Variants in JMJD1C observed in about 807,000 individuals in gnomAD.
JMJD1C encodes jumonji domain containing 1C.
A neutral mutation model predicts 245.3 loss-of-function variants in JMJD1C; 31 were observed. The ratio of observed to expected loss-of-function variants is 0.13; its 90% CI spans 0.09 to 0.17. The LOEUF (loss-of-function observed/expected upper bound fraction) is 0.17, where lower values mean the gene tolerates loss of function less well. JMJD1C is among the 10% of genes least tolerant of loss of function. JMJD1C has a pLI of 1.00. For missense variants in JMJD1C, 2,691 were observed against 3,000.2 expected (o/e 0.90, Z 2.41); for synonymous variants, 1,057 against 1,017.4 (o/e 1.04, Z -0.74).
intron 3 of JMJD1C, among the ~76,000 whole-genome samples, chr10:63,227,704 G>C (rs895193573): frequency 2.0e-5 from 3 of 152,124 alleles, no homozygotes; most frequent in Non-Finnish European, 4.4e-5. Context: ...AACCATCTTT[G>C]ATAGTATAAG....
intron 2 of JMJD1C, among the ~76,000 whole-genome samples, chr10:63,373,824 C>A (rs1946506170): frequency 6.6e-6 from 1 of 152,050 alleles, no homozygotes; most frequent in Non-Finnish European, 1.5e-5. Flanking sequence ...TATAGACATC[C>A]TTAAAGAAGC....
intron 2 of JMJD1C, among the ~76,000 whole-genome samples, chr10:63,295,964 T>TAC (rs1859346945): frequency 3.4e-4 from 3 of 8,942 alleles, no homozygotes; most frequent in Non-Finnish European, 2.6e-4. Context: ...CGTATATGTG[T>TAC]GTGTGTGTGT....
In JMJD1C at chr10:63,220,052, C is replaced by A. The variant is rs1160758891; in HGVS notation, c.448-69G>T. Reference sequence around the variant, plus strand: ...ACCATTAATGTTACCGACTTTCCCTCCTATACGTTCTAAGGACTGAATAAA... The same window carrying A: ...ACCATTAATGTTACCGACTTTCCCTACTATACGTTCTAAGGACTGAATAAA... On this transcript the variant is annotated intron_variant, in intron 3 of 25. Transcript: ENST00000399262. 6 of 1,137,124 alleles carry A rather than the reference C, an allele frequency of 5.3e-6. No individual in the cohort carries two copies. In the African/African-American group the frequency reaches 6.1e-5, roughly 12 times the overall value. 70.4% of individuals were successfully genotyped at this position (1,137,124 alleles called of 1,614,324 possible).
At chr10:63,238,239 A>G (rs1000826115) in intron 3 of JMJD1C, among the ~76,000 whole-genome samples, 7 of 151,592 alleles carry the variant, frequency 4.6e-5, no homozygotes, top group African/African-American at 1.7e-4. Context: ...AATGTATCAT[A>G]ATAGAAAAGC....
chr10:63,357,074 G>A (rs939850998), intron 2 of JMJD1C, among the ~76,000 whole-genome samples: 1 of 150,334 alleles, frequency 6.7e-6, no homozygotes, highest in Admixed American at 6.6e-5. Context: ...TCACTCTGTC[G>A]CCAGGCTGGA....
In JMJD1C at chr10:63,465,842, C is replaced by G; in HGVS notation, c.-180G>C. ...GGACACAGCGACCTCGGGCCCTCCC[C>G]GCAAACACTCCTTTGGACTCCCAGA... is the stretch of plus-strand genomic sequence containing the variant. On this transcript the variant is annotated 5_prime_UTR_variant, in exon 1 of 26. Coordinates refer to ENST00000399262, the MANE Select transcript of JMJD1C (RefSeq NM_032776.3). The G allele has an allele frequency of 2.8e-6, 2 of 724,966 alleles. No individual in the cohort carries two copies. The highest frequency in any genetic ancestry group is 3.0e-5 in the South Asian group (2 of 66,968). 44.9% of individuals were successfully genotyped at this position (724,966 alleles called of 1,614,324 possible).
intron 2 of JMJD1C, among the ~76,000 whole-genome samples, chr10:63,275,457 G>C (rs913845321): frequency 6.6e-6 from 1 of 152,118 alleles, no homozygotes; most frequent in Non-Finnish European, 1.5e-5. Context: ...TTTCACAAAG[G>C]AGAAATAAGC....
intron 2 of JMJD1C, among the ~76,000 whole-genome samples, chr10:63,267,473 G>A (rs573866590): frequency 9.9e-5 from 15 of 152,222 alleles, no homozygotes; most frequent in African/African-American, 3.4e-4. Flanking sequence ...GTAGTAAATA[G>A]TTCATGGGTC....
chr10:63,330,629 T>C (rs1942041768), intron 2 of JMJD1C, among the ~76,000 whole-genome samples: 1 of 152,018 alleles, frequency 6.6e-6, no homozygotes, highest in Non-Finnish European at 1.5e-5. Context: ...TATTATCATT[T>C]TTTCTTTCTC....
chr10:63,446,672 TGAAGGAA>T (rs1458426593), intron 1 of JMJD1C, among the ~76,000 whole-genome samples: 2 of 152,050 alleles, frequency 1.3e-5, no homozygotes, highest in Non-Finnish European at 1.5e-5. Flanking sequence ...ACAAAGTACT[TGAAGGAA>T]AAGAAGGTGA....
intron 2 of JMJD1C, among the ~76,000 whole-genome samples, chr10:63,311,390 A>T (rs1007354221): frequency 6.6e-6 from 1 of 152,046 alleles, no homozygotes; most frequent in Non-Finnish European, 1.5e-5. Flanking sequence ...AAAAATAAAC[A>T]AACAAAATAA....
intron 1 of JMJD1C, among the ~76,000 whole-genome samples, chr10:63,450,803 T>A (rs1439400185): frequency 6.6e-6 from 1 of 152,058 alleles, no homozygotes; most frequent in Admixed American, 6.6e-5. Flanking sequence ...CAACGCAGCA[T>A]TGGACTAGTC....
At chr10:63,267,600 T>A (rs1855750252) in intron 2 of JMJD1C, among the ~76,000 whole-genome samples, 3 of 152,150 alleles carry the variant, frequency 2.0e-5, no homozygotes. Context: ...AGCTAACATC[T>A]GATGAAAGTC....
chr10:63,248,535 T>TAAAG (rs1362726932), intron 3 of JMJD1C, among the ~76,000 whole-genome samples: 3 of 142,308 alleles, frequency 2.1e-5, no homozygotes, highest in Admixed American at 2.1e-4. Flanking sequence ...GATAGATAAA[T>TAAAG]AAATAAATAA....
chr10:63,396,451 C>T (rs530043852), intron 1 of JMJD1C, among the ~76,000 whole-genome samples: 3 of 152,140 alleles, frequency 2.0e-5, no homozygotes, highest in South Asian at 4.1e-4. Context: ...TTTAAAAAGG[C>T]AAATATAGGA....
At chr10:63,182,553 GA>G (rs1843616530) in intron 22 of JMJD1C, among the ~76,000 whole-genome samples, 1 of 152,076 alleles carries the variant, frequency 6.6e-6, no homozygotes, top group Admixed American at 6.5e-5. Flanking sequence ...TTTCTTTCGA[GA>G]AAGAAAAAAT....
In JMJD1C at chr10:63,465,531, G is replaced by T; in HGVS notation, c.132C>A (p.Ala44=). The T allele has an allele frequency of 6.2e-7, 1 of 1,604,756 alleles. No homozygotes were observed. Among genetic ancestry groups the T allele is most frequent in the Non-Finnish European group, 8.5e-7 (1 of 1,178,270 alleles). The change falls in exon 1 of 26, where the codon GCC becomes GCA. Residue 44 remains alanine (A), a synonymous_variant. Coordinates refer to ENST00000399262, the MANE Select transcript of JMJD1C (RefSeq NM_032776.3). ...GATTGCGGCTGTCCCTGTGTGACACGGCTCGGATGACCCCCGCTCGCCAGC... is the reference window on the plus strand; with the variant it reads ...GATTGCGGCTGTCCCTGTGTGACACTGCTCGGATGACCCCCGCTCGCCAGC... ...WRSWRAGVIR[A]VSHRDSRNPD...
intron 1 of JMJD1C, among the ~76,000 whole-genome samples, chr10:63,407,208 T>C (rs1382200235): frequency 6.6e-6 from 1 of 152,136 alleles, no homozygotes; most frequent in Non-Finnish European, 1.5e-5. Flanking sequence ...TCCTTTCCCA[T>C]TATGGTACGA....
At chr10:63,254,527 T>C (rs1024098522) in intron 3 of JMJD1C, among the ~76,000 whole-genome samples, 4 of 152,272 alleles carry the variant, frequency 2.6e-5, no homozygotes, top group South Asian at 2.1e-4. Context: ...TAATATCTTA[T>C]ACTCTAAAAT....
Sources: gnomAD v4.1 joint callset for allele counts (sites outside exome capture counted in the v4.1 genomes callset) on GRCh38, gnomAD v4.1.1 for gene constraint, MANE v1.5 for transcripts, NCBI Gene and HGNC (gene_info 2026-07-23, HGNC 2026-07-21) for gene names.